WWOX: variants seen among roughly 807,000 people sequenced by gnomAD.
WWOX encodes the protein WW domain-containing oxidoreductase.
In WWOX, 69 loss-of-function variants were observed where a neutral mutation model predicts 46.2. The ratio of observed to expected loss-of-function variants is 1.49; its 90% CI spans 1.23 to 1.82. The LOEUF (loss-of-function observed/expected upper bound fraction) is 1.82, where lower values mean the gene tolerates loss of function less well. Among genes scored for constraint, WWOX ranks in the 40% most tolerant of loss-of-function variants. The pLI is 0.00. For synonymous variants in WWOX, 359 were observed against 202.6 expected (o/e 1.77, Z -6.56); for missense variants, 919 against 542.6 (o/e 1.69, Z -6.89).
Position 78,902,242 on chromosome 16 carries a change from C to T in WWOX, c.1057-309366C>T, listed in dbSNP as rs564371051. ...TAGTGTCAACAACTTAGCCTGGTTACTTTGCCACCAAACCCCACCAAATGC... is the reference window on the plus strand; with the variant it reads ...TAGTGTCAACAACTTAGCCTGGTTATTTTGCCACCAAACCCCACCAAATGC... On this transcript the variant is annotated intron_variant, in intron 8 of 8. Transcript: ENST00000566780. 4.6e-5 allele frequency among the ~76,000 whole-genome samples: 7 copies of T among 152,320 alleles called. No individual in the cohort carries two copies. The South Asian group carries it at 1.2e-3, about 27-fold the overall frequency.
intron 8 of WWOX, among the ~76,000 whole-genome samples, chr16:78,958,918 G>A (rs1236000533): frequency 1.3e-5 from 2 of 152,166 alleles, no homozygotes; most frequent in Non-Finnish European, 2.9e-5. Context: ...GCTTAGTGGG[G>A]AGAGATTTGG....
At chr16:78,147,675 C>CT (rs33931881) in intron 4 of WWOX, among the ~76,000 whole-genome samples, 11,989 of 88,544 alleles carry the variant, frequency 0.14, 746 homozygotes, top group Non-Finnish European at 0.17. Flanking sequence ...TTCTTTCTTC[C>CT]TTTTTTTTTT....
intron 6 of WWOX, among the ~76,000 whole-genome samples, chr16:78,416,157 T>C (rs1008441671): frequency 3.3e-5 from 5 of 152,256 alleles, no homozygotes; most frequent in Admixed American, 1.3e-4. Flanking sequence ...CATCAGTTTT[T>C]GGAAGGATAC....
chr16:78,967,999 G>T (rs776950496), intron 8 of WWOX, among the ~76,000 whole-genome samples: 2 of 152,222 alleles, frequency 1.3e-5, no homozygotes, highest in African/African-American at 2.4e-5. Context: ...AAAAGAAGAT[G>T]TATAAGTGTA....
intron 8 of WWOX, among the ~76,000 whole-genome samples, chr16:78,839,838 T>C (rs939467598): frequency 1.3e-5 from 2 of 152,168 alleles, no homozygotes; most frequent in African/African-American, 4.8e-5. Flanking sequence ...TCTAGAGATA[T>C]TTCTCCAAGT....
intron 8 of WWOX, among the ~76,000 whole-genome samples, chr16:79,199,499 A>G (rs1016364446): frequency 1.3e-5 from 2 of 152,172 alleles, no homozygotes; most frequent in African/African-American, 4.8e-5. Flanking sequence ...ACAAAATCAA[A>G]ACTGCATCAT....
intron 8 of WWOX, among the ~76,000 whole-genome samples, chr16:79,189,944 G>GC (rs2051100495): frequency 7.0e-6 from 1 of 143,696 alleles, no homozygotes; most frequent in African/African-American, 2.5e-5. Flanking sequence ...AGGGGGGGGG[G>GC]ATAAAGATAT....
intron 8 of WWOX, among the ~76,000 whole-genome samples, chr16:78,965,699 G>T (rs1228478823): frequency 6.6e-6 from 1 of 151,646 alleles, no homozygotes; most frequent in Non-Finnish European, 1.5e-5. Context: ...TCATTTTTTT[G>T]TGTTGGCTTT....
intron 8 of WWOX, among the ~76,000 whole-genome samples, chr16:78,721,055 A>T (rs1311875683): frequency 6.6e-6 from 1 of 152,096 alleles, no homozygotes; most frequent in Non-Finnish European, 1.5e-5. Flanking sequence ...TATAAGATTG[A>T]GGTCGTTTAT....
At chr16:78,733,549 C>A (rs1184009275) in intron 8 of WWOX, among the ~76,000 whole-genome samples, 7 of 150,970 alleles carry the variant, frequency 4.6e-5, no homozygotes, top group African/African-American at 1.7e-4. Flanking sequence ...AGATCGAGAC[C>A]AGCCTGGCCA....
intron 5 of WWOX, among the ~76,000 whole-genome samples, chr16:78,360,380 G>A (rs2081383801): frequency 6.6e-6 from 1 of 152,084 alleles, no homozygotes; most frequent in Non-Finnish European, 1.5e-5. Context: ...GAGGCCAGGA[G>A]TTCAAGACCA....
At chr16:79,058,907 A>C (rs566622222) in intron 8 of WWOX, among the ~76,000 whole-genome samples, 2 of 152,354 alleles carry the variant, frequency 1.3e-5, no homozygotes, top group South Asian at 4.1e-4. Flanking sequence ...CTCTCCGTAC[A>C]CTTTGGACAT....
At chr16:78,646,774 A>G (rs759329511) in intron 8 of WWOX, among the ~76,000 whole-genome samples, 27 of 152,314 alleles carry the variant, frequency 1.8e-4, no homozygotes, top group Non-Finnish European at 1.9e-4. Flanking sequence ...TCCTTCTAGA[A>G]CTAGAACATA....
At chr16:79,103,842 G>C (rs966831522) in intron 8 of WWOX, among the ~76,000 whole-genome samples, 1 of 152,084 alleles carries the variant, frequency 6.6e-6, no homozygotes, top group East Asian at 1.9e-4. Flanking sequence ...CATCATGCAC[G>C]TTTCTACACA....
At chr16:78,629,012 C>G (rs972850706) in intron 8 of WWOX, among the ~76,000 whole-genome samples, 1 of 152,174 alleles carries the variant, frequency 6.6e-6, no homozygotes, top group Non-Finnish European at 1.5e-5. Flanking sequence ...TCCCTTGAAC[C>G]CGTTCCAAAA....
At chr16:78,239,688 C>T (rs989049660) in intron 5 of WWOX, among the ~76,000 whole-genome samples, 7 of 152,046 alleles carry the variant, frequency 4.6e-5, no homozygotes, top group African/African-American at 4.8e-5. Context: ...TCACATGCCA[C>T]CACGTCTGGC....
At position 78,716,016 on chromosome 16, in the gene WWOX, A is replaced by G. The variant is rs761125989; in HGVS notation, c.1056+283264A>G. Among the ~76,000 whole-genome samples, 79 of 152,186 alleles carry G rather than the reference A, an allele frequency of 5.2e-4. 1 individual carries two copies. The highest frequency in any genetic ancestry group is 1.4e-3 in the African/African-American group (60 of 41,540). On this transcript the variant is annotated intron_variant, in intron 8 of 8. Coordinates refer to ENST00000566780, the MANE Select transcript of WWOX (RefSeq NM_016373.4). ...GCAAGAAATTATGGTGGTCCCAGGG[A>G]TGATGCATTCTGATAATCATTATCA...
intron 6 of WWOX, among the ~76,000 whole-genome samples, chr16:78,422,280 T>A (rs1283623903): frequency 6.6e-6 from 1 of 152,132 alleles, no homozygotes; most frequent in Non-Finnish European, 1.5e-5. Context: ...TATAAAGATT[T>A]TTATGTTTCC....
chr16:78,770,000 C>T (rs979080792), intron 8 of WWOX, among the ~76,000 whole-genome samples: 1 of 152,008 alleles, frequency 6.6e-6, no homozygotes, highest in Non-Finnish European at 1.5e-5. Context: ...GCTATGATCT[C>T]ACCTCTGTAC....
Sources: allele counts gnomAD v4.1 joint callset (sites outside exome capture counted in the v4.1 genomes callset), GRCh38; gene constraint gnomAD v4.1.1; transcripts MANE v1.5; gene names NCBI Gene and HGNC (gene_info 2026-07-23, HGNC 2026-07-21).